The following GOLM2 variants were observed in gnomAD, a reference collection of about 807,000 sequenced individuals.
GOLM2 encodes golgi membrane protein 2, also known as protein GOLM2.
Under a neutral mutation model 55.9 loss-of-function variants are expected in GOLM2, and 26 were observed. That is an observed-to-expected ratio of 0.47 (90% CI 0.34 to 0.65). The LOEUF (loss-of-function observed/expected upper bound fraction) is 0.65. GOLM2 is among the 30% of genes least tolerant of loss of function. The pLI, the probability that GOLM2 is intolerant of heterozygous loss-of-function variation, is 0.01. For missense variants in GOLM2, 486 were observed against 531.8 expected, an observed-to-expected ratio of 0.91 and a Z score of 0.85; for synonymous variants, 165 against 194.6, an observed-to-expected ratio of 0.85 and a Z score of 1.27.
At chr15:44,294,958 CT>C (rs1472031176) in intron 1 of GOLM2, among the ~76,000 whole-genome samples, 2 of 151,532 alleles carry the variant, frequency 1.3e-5, no homozygotes, top group East Asian at 3.9e-4. Context: ...ATAAGGTTAT[CT>C]TTGGAAATCA....
chr15:44,331,463 C>G (rs2079021752), intron 3 of GOLM2, among the ~76,000 whole-genome samples: 1 of 152,154 alleles, frequency 6.6e-6, no homozygotes, highest in Admixed American at 6.5e-5. Context: ...ATCTGTTTTG[C>G]TGCTGTTCAC....
intron 2 of GOLM2, among the ~76,000 whole-genome samples, chr15:44,325,099 G>A (rs371142179): frequency 6.6e-6 from 1 of 151,980 alleles, no homozygotes; most frequent in Non-Finnish European, 1.5e-5. Flanking sequence ...TGTGTCATGG[G>A]GCTTCATTAT....
In GOLM2 at chr15:44,291,909, T is replaced by C. The variant is rs942300262; in HGVS notation, c.327+2553T>C. Among the ~76,000 whole-genome samples the C allele has an allele frequency of 2.6e-5, 4 of 152,226 alleles. No homozygotes were observed. The East Asian group carries it at 7.7e-4, about 29-fold the overall frequency. On this transcript the variant is annotated intron_variant, in intron 1 of 9. Coordinates refer to ENST00000299957, the MANE Select transcript of GOLM2 (RefSeq NM_138423.4). Reference sequence around the variant, plus strand: ...TCCTCCTCTTGGAATTCATAATGCCTGCTGGAATATAAAAGCTCTGAGAAA... The same window carrying C: ...TCCTCCTCTTGGAATTCATAATGCCCGCTGGAATATAAAAGCTCTGAGAAA...
Position 44,327,109 on chromosome 15 carries a change from C to A in GOLM2, c.383-1576C>A, listed in dbSNP as rs536957366. 8.6e-5 allele frequency among the ~76,000 whole-genome samples: 13 copies of A among 151,702 alleles called. No individual in the cohort carries two copies. In the East Asian group the frequency reaches 2.6e-3, roughly 30 times the overall value. On this transcript the variant is annotated intron_variant, in intron 2 of 9. Transcript: ENST00000299957. ...GGGATTACAGGCTCAGACCACCATGCTTAGTTAATTTTTGTATTTTTAGTA... is the reference window on the plus strand; with the variant it reads ...GGGATTACAGGCTCAGACCACCATGATTAGTTAATTTTTGTATTTTTAGTA...
rs1250163347 is a variant in GOLM2 at position 44,414,041 on chromosome 15, G to C, written c.*635G>C. 1 of 152,192 alleles carries C rather than the reference G, an allele frequency of 6.6e-6. No homozygotes were observed. Among genetic ancestry groups the C allele is most frequent in the Non-Finnish European group, 1.5e-5 (1 of 68,076 alleles). The allele number at this position is 152,192 out of a possible 1,614,324, so 9.4% of individuals were successfully genotyped here. On this transcript the variant is annotated 3_prime_UTR_variant, in exon 10 of 10. Transcript: ENST00000299957. ...TAATAAAGACGGGTTTCACCATGTTGGCCAGGCTGGTCTTGAACTCCTGAC... is the reference window on the plus strand; with the variant it reads ...TAATAAAGACGGGTTTCACCATGTTCGCCAGGCTGGTCTTGAACTCCTGAC...
intron 4 of GOLM2, among the ~76,000 whole-genome samples, chr15:44,337,294 A>G (rs1282606186): frequency 6.6e-6 from 1 of 151,944 alleles, no homozygotes; most frequent in Non-Finnish European, 1.5e-5. Context: ...TGGCCAGCAC[A>G]CTTAGGAAGA....
Position 44,330,851 on chromosome 15 carries a change from A to G in GOLM2, c.486-1137A>G, listed in dbSNP as rs531506336. On this transcript the variant is annotated intron_variant, in intron 3 of 9. Transcript: ENST00000299957. ...TTTGTTGCTTTTACAGCATAGATGA[A>G]AGGTTGCTTTCTAAAATGATTGTAC... Among the ~76,000 whole-genome samples the G allele has an allele frequency of 2.6e-5, 4 of 152,320 alleles. No individual in the cohort carries two copies. The South Asian group carries it at 8.3e-4, about 32-fold the overall frequency.
chr15:44,355,490 C>A, intron 6 of GOLM2: 1 of 164,828 alleles, frequency 6.1e-6, no homozygotes. Context: ...ATCGGAAGGC[C>A]CTTCGAGGGC....
Position 44,288,928 on chromosome 15 carries a change from C to G in GOLM2, c.-102C>G. On this transcript the variant is annotated 5_prime_UTR_variant, in exon 1 of 10. Transcript: ENST00000299957. The stretch of plus-strand genomic sequence containing the variant: ...CGGTAAGCCCGCCTCCTCCCTCGGC[C>G]GGCCCTGGGGCCGTGTCCGCCGGGC... The G allele has an allele frequency of 8.9e-7, 1 of 1,126,152 alleles. No individual in the cohort carries two copies. Among genetic ancestry groups the G allele is most frequent in the South Asian group, 1.5e-5 (1 of 64,738 alleles). The allele number at this position is 1,126,152 out of a possible 1,614,324, so 69.8% of individuals were successfully genotyped here. A position where few individuals can be genotyped will look rare whatever the true frequency, so the allele number is the denominator to read the frequency against.
chr15:44,397,797 T>A (rs2079537597), intron 8 of GOLM2, among the ~76,000 whole-genome samples: 4 of 152,204 alleles, frequency 2.6e-5, no homozygotes, highest in African/African-American at 9.7e-5. Context: ...GATGTCATAC[T>A]GTAGTTCCAA....
intron 3 of GOLM2, among the ~76,000 whole-genome samples, chr15:44,330,146 G>A (rs376554757): frequency 2.1e-5 from 3 of 143,734 alleles, no homozygotes; most frequent in Admixed American, 7.0e-5. Context: ...TCCTGACCTC[G>A]TGATCCACCC....
chr15:44,410,979 G>A (rs1282003154), intron 9 of GOLM2, among the ~76,000 whole-genome samples: 1 of 145,576 alleles, frequency 6.9e-6, no homozygotes, highest in African/African-American at 2.5e-5. Flanking sequence ...AGTTTAACAG[G>A]AAAGTTGTTG....
chr15:44,303,574 G>C (rs1368525822), intron 1 of GOLM2, among the ~76,000 whole-genome samples: 1 of 151,222 alleles, frequency 6.6e-6, no homozygotes, highest in Non-Finnish European at 1.5e-5. Flanking sequence ...ATTTTTGTTT[G>C]TTTTTTTTGG....
intron 8 of GOLM2, among the ~76,000 whole-genome samples, chr15:44,398,965 G>T (rs980082407): frequency 6.6e-6 from 1 of 152,016 alleles, no homozygotes; most frequent in Non-Finnish European, 1.5e-5. Flanking sequence ...ACCATGCCTG[G>T]CCCCGTAATT....
intron 6 of GOLM2, among the ~76,000 whole-genome samples, chr15:44,369,723 C>CACACACATAT (rs1555425016): frequency 1.4e-5 from 2 of 140,546 alleles, no homozygotes; most frequent in East Asian, 4.1e-4. Context: ...CACACACACA[C>CACACACATAT]ATATATATAT....
At chr15:44,324,881 C>T (rs987394839) in intron 2 of GOLM2, among the ~76,000 whole-genome samples, 1 of 151,982 alleles carries the variant, frequency 6.6e-6, no homozygotes, top group Non-Finnish European at 1.5e-5. Context: ...AAAGATAGAG[C>T]GTCCTGTACA....
intron 6 of GOLM2, among the ~76,000 whole-genome samples, chr15:44,358,938 C>A (rs183360165): frequency 5.3e-5 from 8 of 151,910 alleles, no homozygotes; most frequent in Admixed American, 4.6e-4. Flanking sequence ...AGGCAGATCA[C>A]GAGGTCAGGA....
At chr15:44,336,105 G>T (rs1325842268) in intron 4 of GOLM2, among the ~76,000 whole-genome samples, 1 of 151,686 alleles carries the variant, frequency 6.6e-6, no homozygotes, top group African/African-American at 2.4e-5. Flanking sequence ...GAACCACCGT[G>T]CCTGGCCCAA....
intron 1 of GOLM2, among the ~76,000 whole-genome samples, chr15:44,293,931 C>T (rs1480065509): frequency 6.6e-6 from 1 of 152,152 alleles, no homozygotes; most frequent in Non-Finnish European, 1.5e-5. Flanking sequence ...TCTCTTCTCC[C>T]TCATTTATTA....
Sources: gnomAD v4.1 joint callset for allele counts (sites outside exome capture counted in the v4.1 genomes callset) on GRCh38, gnomAD v4.1.1 for gene constraint, MANE v1.5 for transcripts, NCBI Gene and HGNC (gene_info 2026-07-23, HGNC 2026-07-21) for gene names.